IQSEC2: variants seen among roughly 807,000 people sequenced by gnomAD.
IQSEC2 encodes the protein IQ motif and SEC7 domain-containing protein 2.
A neutral mutation model predicts 74.6 loss-of-function variants in IQSEC2; 6 were observed. The ratio of observed to expected loss-of-function variants is 0.08; its 90% confidence interval spans 0.04 to 0.16. The LOEUF (loss-of-function observed/expected upper bound fraction) is 0.16, where lower values mean the gene tolerates loss of function less well. Ranked by LOEUF, IQSEC2 falls within the 10% of genes least tolerant of loss-of-function variation. IQSEC2 has a pLI of 1.00. For missense variants in IQSEC2, 734 were observed against 1,306.2 expected (o/e 0.56, Z 6.75); for synonymous variants, 494 against 544.5 (o/e 0.91, Z 1.29).
At chrX:53,275,335 GT>G (rs1184984275) in intron 2 of IQSEC2, among the ~76,000 whole-genome samples, 1 of 110,497 alleles carries the variant, frequency 9.1e-6, no homozygotes, top group Non-Finnish European at 1.9e-5. Flanking sequence ...GCTAATTTTT[GT>G]ATTTTTGGTG....
At chrX:53,288,478 C>G (rs1348483563) in intron 2 of IQSEC2, among the ~76,000 whole-genome samples, 1 of 108,308 alleles carries the variant, frequency 9.2e-6, no homozygotes, top group East Asian at 2.9e-4. Flanking sequence ...CCAGGGCCAA[C>G]AAGTTCAGGC....
At chrX:53,242,195 A>G (rs2074233614) in intron 9 of IQSEC2, among the ~76,000 whole-genome samples, 1 of 110,587 alleles carries the variant, frequency 9.0e-6, no homozygotes, top group African/African-American at 3.3e-5. Flanking sequence ...GCACTTTGGG[A>G]GGCCGAGGCG....
chrX:53,292,629 A>C (rs889993668), intron 1 of IQSEC2, among the ~76,000 whole-genome samples: 2 of 111,708 alleles, frequency 1.8e-5, no homozygotes, highest in African/African-American at 6.5e-5. Context: ...GCCTCTTTAG[A>C]GGCAAAAGAA....
intron 1 of IQSEC2, among the ~76,000 whole-genome samples, chrX:53,320,160 G>A (rs1569341268): frequency 9.0e-6 from 1 of 111,544 alleles, no homozygotes. Context: ...GGAGGCGGGG[G>A]AGGCGGCGAT....
At chrX:53,286,102 A>C (rs1290910913) in intron 2 of IQSEC2, among the ~76,000 whole-genome samples, 2 of 112,103 alleles carry the variant, frequency 1.8e-5, no homozygotes, top group African/African-American at 3.2e-5. Context: ...TCCTGAGGCC[A>C]CCAAGAGCTG....
At chrX:53,300,319 A>T (rs1487079375) in intron 1 of IQSEC2, among the ~76,000 whole-genome samples, 1 of 111,601 alleles carries the variant, frequency 9.0e-6, no homozygotes, top group African/African-American at 3.3e-5. Flanking sequence ...TCCCTTTCTT[A>T]TTCCAGCCAA....
intron 2 of IQSEC2, chrX:53,279,182 GAAA>G: frequency 8.2e-6 from 1 of 122,416 alleles, no homozygotes; most frequent in Non-Finnish European, 1.6e-5. Context: ...CTCCATCTCA[GAAA>G]AAAAAAAAAG....
chrX:53,271,074 T>C (rs2074737566), intron 2 of IQSEC2, among the ~76,000 whole-genome samples: 1 of 111,466 alleles, frequency 9.0e-6, no homozygotes, highest in Admixed American at 9.6e-5. Context: ...AAAAAGCCTA[T>C]ACTCTTCAGA....
chrX:53,320,744 T>C lies in IQSEC2; in HGVS notation c.380A>G (p.Glu127Gly), dbSNP rs933120152. 7 of 1,165,940 alleles carry C rather than the reference T, an allele frequency of 6.0e-6. No homozygotes were observed. The highest frequency in any genetic ancestry group is 8.0e-6 in the Non-Finnish European group (7 of 872,506). The change falls in exon 1 of 15, where the codon GAG (glutamate) becomes GGG (glycine). Residue 127 changes from glutamate (E) to glycine (G), a missense_variant. Around this residue, in one of 12 missense-constraint regions of IQSEC2, gnomAD observed 134 missense variants for 214.9 expected, o/e 0.62. Transcript: ENST00000642864. ...CCGCTCCTTGTCCCGATACACAGCC[T>C]CCCGATTCTGGTAGGCGCCTTCCCG... ...PNREGAYQNR[E>G]AVYRDKERDA...
chrX:53,255,743 C>A, intron 3 of IQSEC2, 57 bp downstream of exon 3: 6 of 1,190,493 alleles, frequency 5.0e-6, no homozygotes, highest in Non-Finnish European at 6.8e-6. Context: ...CCCAAACCCT[C>A]CCCTGGCGCT....
rs1342422354 is a variant in IQSEC2, at chrX:53,247,105, G to A, written c.2613C>T (p.Leu871=). ...TGTCTGGGTTCCGGAACTGGCGCAC[G>A]AGGGCTGGGTTACAGACACAGTACC... The part of the protein sequence containing the change: ...SQRYCVCNPA[L]VRQFRNPDTI... The change falls in exon 8 of 15, where the codon CTC becomes CTT. Residue 871 remains leucine (L), a synonymous_variant. Coordinates refer to ENST00000642864, the MANE Select transcript of IQSEC2 (RefSeq NM_001111125.3). 1.7e-6 allele frequency: 2 copies of A among 1,208,972 alleles called. No individual in the cohort carries two copies. The highest frequency in any genetic ancestry group is 2.2e-5 in the Admixed American group (1 of 45,607).
intron 2 of IQSEC2, among the ~76,000 whole-genome samples, chrX:53,270,295 A>G (rs2074721909): frequency 9.0e-6 from 1 of 111,357 alleles, no homozygotes; most frequent in Admixed American, 9.5e-5. Flanking sequence ...GCTCTAAAAG[A>G]TAGACTGTGA....
intron 6 of IQSEC2, 76 bp downstream of exon 6, chrX:53,248,645 G>A: frequency 1.8e-5 from 19 of 1,078,082 alleles, no homozygotes; most frequent in Non-Finnish European, 2.4e-5. Context: ...TAAAGGGACA[G>A]GCTGCCCCCT....
Position 53,320,662 on chromosome X carries a change from C to T in IQSEC2, c.462G>A (p.Val154=). ...TTGYTARERD[V]AQCHLHHENP... is the part of the protein sequence containing the mutation. ...TCTCGTGGTGCAGGTGGCACTGGGCCACGTCACGCTCGCGGGCTGTGTAAC... is the reference window on the plus strand; with the variant it reads ...TCTCGTGGTGCAGGTGGCACTGGGCTACGTCACGCTCGCGGGCTGTGTAAC... Residue 154 remains valine (V), a synonymous_variant, in exon 1 of 15, where the codon GTG becomes GTA. Coordinates refer to ENST00000642864, the MANE Select transcript of IQSEC2 (RefSeq NM_001111125.3). 1 of 1,165,291 alleles carries T rather than the reference C, an allele frequency of 8.6e-7. No individual in the cohort carries two copies. Among genetic ancestry groups the T allele is most frequent in the South Asian group, 1.9e-5 (1 of 52,660 alleles).
In IQSEC2 at chrX:53,234,333, G is replaced by C. The variant is rs1556858970; in HGVS notation, c.4353C>G (p.Pro1451=). The C allele has an allele frequency of 2.6e-6, 1 of 384,396 alleles. No individual in the cohort carries two copies. The allele number at this position is 384,396 out of a possible 1,213,427, so 31.7% of individuals were successfully genotyped here. A position where few individuals can be genotyped will look rare whatever the true frequency, so the allele number is the denominator to read the frequency against. The change falls in exon 15 of 15, where the codon CCC becomes CCG. Residue 1451 remains proline (P), a synonymous_variant. Coordinates refer to ENST00000642864, the MANE Select transcript of IQSEC2 (RefSeq NM_001111125.3). ...PPPSPHTPHS[P]LPPTSPHGPL... ...GGCCATGGGGGGAGGTGGGTGGAAG[G>C]GGTGAGTGCGGGGTGTGAGGGGAGG...
chrX:53,248,063 TC>T (rs782701153), intron 7 of IQSEC2, 50 bp downstream of exon 7: 1 of 1,198,097 alleles, frequency 8.3e-7, no homozygotes, highest in Non-Finnish European at 1.1e-6. Context: ...ACATACTACG[TC>T]GATGCCCACA....
intron 2 of IQSEC2, chrX:53,281,600 C>T (rs2074965365): frequency 2.8e-6 from 3 of 1,083,017 alleles, no homozygotes; most frequent in African/African-American, 1.9e-5. Flanking sequence ...CCTCCCCAGC[C>T]CTTCCCTAGA....
chrX:53,241,089 T>A (rs983021813), intron 10 of IQSEC2, among the ~76,000 whole-genome samples: 3 of 111,250 alleles, frequency 2.7e-5, no homozygotes, highest in Admixed American at 9.5e-5. Context: ...GCATCTTTTT[T>A]AAATTTTGTT....
chrX:53,244,081 T>C (rs1440197637), intron 8 of IQSEC2, among the ~76,000 whole-genome samples: 1 of 110,074 alleles, frequency 9.1e-6, no homozygotes, highest in African/African-American at 3.3e-5. Context: ...TAGCCAGGCA[T>C]GGCACCATGT....
Sources: allele counts gnomAD v4.1 joint callset (sites outside exome capture counted in the v4.1 genomes callset), GRCh38; gene constraint gnomAD v4.1.1; regional missense constraint gnomAD v4.1.1; transcripts MANE v1.5; gene names NCBI Gene and HGNC (gene_info 2026-07-23, HGNC 2026-07-21).